RAB8B: variants seen among roughly 807,000 people sequenced by gnomAD.
The protein encoded by RAB8B is RAB8B, member RAS oncogene family, also known as ras-related protein Rab-8B.
In RAB8B, 11 loss-of-function variants were observed where a neutral mutation model predicts 32.0. The ratio of observed to expected loss-of-function variants is 0.34; its 90% CI spans 0.22 to 0.57. The LOEUF (loss-of-function observed/expected upper bound fraction) is 0.57, where lower values mean the gene tolerates loss of function less well. Among genes scored for constraint, RAB8B ranks in the 20% least tolerant of loss-of-function variants. The pLI is 0.86. For synonymous variants in RAB8B, 103 were observed against 89.6 expected (o/e 1.15, Z -0.85); for missense variants, 190 against 258.5 (o/e 0.73, Z 1.82).
At chr15:63,197,392 A>T (rs2588861) in intron 1 of RAB8B, among the ~76,000 whole-genome samples, 193 of 102,142 alleles carry the variant, frequency 1.9e-3, no homozygotes, top group South Asian at 3.3e-3. Flanking sequence ...TTTTTTTTTT[A>T]AGACAGAGTC....
At position 63,228,457 on chromosome 15, in the gene RAB8B, A is replaced by C. The variant is rs139961213; in HGVS notation, c.125-16299A>C. On this transcript the variant is annotated intron_variant, in intron 1 of 7. Coordinates refer to ENST00000321437, the MANE Select transcript of RAB8B (RefSeq NM_016530.3). ...TAATTAGGGACAGGGATAGCCTGGA[A>C]AAATGAATTCTGCAAATGATGCCTT... Among the ~76,000 whole-genome samples the C allele has an allele frequency of 2.7e-3, 406 of 152,388 alleles. 3 individuals are homozygous for C. Among genetic ancestry groups the C allele is most frequent in the African/African-American group, 8.1e-3 (335 of 41,598 alleles).
intron 1 of RAB8B, among the ~76,000 whole-genome samples, chr15:63,229,464 T>G (rs2037916200): frequency 6.6e-6 from 1 of 152,096 alleles, no homozygotes; most frequent in Non-Finnish European, 1.5e-5. Flanking sequence ...CTCACAGACA[T>G]TCAGTGATCC....
chr15:63,255,607 G>A, intron 4 of RAB8B, 23 bp downstream of exon 4: 1 of 1,547,770 alleles, frequency 6.5e-7, no homozygotes, highest in Non-Finnish European at 8.9e-7. Context: ...AGAGAATGGT[G>A]ACATTGGAGA....
chr15:63,255,177 G>A (rs1391746042), intron 3 of RAB8B, among the ~76,000 whole-genome samples: 3 of 152,118 alleles, frequency 2.0e-5, no homozygotes, highest in Non-Finnish European at 4.4e-5. Context: ...CAATGTTATC[G>A]CTGTTTTGAC....
chr15:63,228,995 T>G (rs182506938), intron 1 of RAB8B, among the ~76,000 whole-genome samples: 1 of 152,376 alleles, frequency 6.6e-6, no homozygotes, highest in Non-Finnish European at 1.5e-5. Context: ...GCTTTCCATA[T>G]GTACATGTAT....
At chr15:63,252,395 G>A (rs2038123678) in intron 3 of RAB8B, among the ~76,000 whole-genome samples, 1 of 152,154 alleles carries the variant, frequency 6.6e-6, no homozygotes, top group South Asian at 2.1e-4. Flanking sequence ...AGACTGAGAG[G>A]AATAAAATAA....
chr15:63,220,450 C>CT (rs11382862), intron 1 of RAB8B, among the ~76,000 whole-genome samples: 54,168 of 148,926 alleles, frequency 0.36, 11,484 homozygotes, highest in Non-Finnish European at 0.5. Context: ...TACAGACCAA[C>CT]TTTTTTTTTT....
intron 1 of RAB8B, chr15:63,223,893 A>G: frequency 1.4e-5 from 6 of 434,376 alleles, no homozygotes; most frequent in South Asian, 9.7e-5. Flanking sequence ...TTATTATCCC[A>G]CAAAATGTCT....
chr15:63,196,565 C>CAT (rs1396161271), intron 1 of RAB8B, among the ~76,000 whole-genome samples: 1 of 152,140 alleles, frequency 6.6e-6, no homozygotes, highest in Non-Finnish European at 1.5e-5. Flanking sequence ...AAGTCATATT[C>CAT]GCCTTTTAAA....
chr15:63,207,099 A>G (rs2037704562), intron 1 of RAB8B, among the ~76,000 whole-genome samples: 2 of 152,128 alleles, frequency 1.3e-5, no homozygotes, highest in African/African-American at 4.8e-5. Flanking sequence ...GTCACTTCCA[A>G]GTGTCTGTTC....
intron 1 of RAB8B, among the ~76,000 whole-genome samples, chr15:63,213,398 A>G (rs983107558): frequency 6.6e-6 from 1 of 152,184 alleles, no homozygotes; most frequent in Admixed American, 6.5e-5. Context: ...GGTTTTCTGT[A>G]TAGTGCCAAA....
chr15:63,193,619 G>A (rs567290747), intron 1 of RAB8B, among the ~76,000 whole-genome samples: 3 of 152,142 alleles, frequency 2.0e-5, no homozygotes, highest in South Asian at 2.1e-4. Flanking sequence ...AGACCATCCC[G>A]GCTAATACGG....
At chr15:63,255,385 C>A in intron 3 of RAB8B, 122 bp from the exon 4 acceptor site, 1 of 576,492 alleles carries the variant, frequency 1.7e-6, no homozygotes, top group Non-Finnish European at 2.9e-6. Context: ...TTATTATGAA[C>A]CCTTTTTAAA....
At chr15:63,242,783 A>G (rs900376291) in intron 1 of RAB8B, among the ~76,000 whole-genome samples, 5 of 152,070 alleles carry the variant, frequency 3.3e-5, no homozygotes, top group Non-Finnish European at 5.9e-5. Flanking sequence ...AAGGGGTTCT[A>G]TATAGCAGTG....
chr15:63,202,183 G>A (rs1011778983), intron 1 of RAB8B, among the ~76,000 whole-genome samples: 2 of 151,196 alleles, frequency 1.3e-5, no homozygotes, highest in African/African-American at 4.9e-5. Flanking sequence ...GAGGCTGAGG[G>A]AGGAGAATGG....
At chr15:63,237,617 T>C (rs533983212) in intron 1 of RAB8B, among the ~76,000 whole-genome samples, 8 of 152,220 alleles carry the variant, frequency 5.3e-5, no homozygotes, top group Admixed American at 2.6e-4. Flanking sequence ...GAGCTCCTTA[T>C]ATATTCTGAT....
chr15:63,201,712 A>G (rs924363683), intron 1 of RAB8B, among the ~76,000 whole-genome samples: 4 of 152,194 alleles, frequency 2.6e-5, no homozygotes, highest in Admixed American at 6.5e-5. Context: ...AAACTACTCA[A>G]TAATCATATA....
intron 4 of RAB8B, 101 bp from the exon 5 acceptor site, chr15:63,256,404 A>G (rs1221216310): frequency 3.7e-6 from 3 of 811,138 alleles, no homozygotes; most frequent in Non-Finnish European, 5.8e-6. Flanking sequence ...GTAAAAGATT[A>G]TGTCTTATTA....
intron 1 of RAB8B, among the ~76,000 whole-genome samples, chr15:63,192,110 A>G (rs1468089509): frequency 6.6e-6 from 1 of 152,142 alleles, no homozygotes; most frequent in Non-Finnish European, 1.5e-5. Context: ...CTGTGTCTTC[A>G]GTTGACGTGG....
Sources: allele counts gnomAD v4.1 joint callset (sites outside exome capture counted in the v4.1 genomes callset), GRCh38; gene constraint gnomAD v4.1.1; transcripts MANE v1.5; gene names NCBI Gene and HGNC (gene_info 2026-07-23, HGNC 2026-07-21).